Variants in PGGT1B observed in about 807,000 individuals in gnomAD.
PGGT1B encodes the protein protein geranylgeranyltransferase type I subunit beta.
PGGT1B carries 30 observed loss-of-function variants against 46.1 expected under a neutral mutation model. That is an observed-to-expected ratio of 0.65 (90% CI 0.49 to 0.88). The LOEUF (loss-of-function observed/expected upper bound fraction) is 0.88. PGGT1B is among the 40% of genes least tolerant of loss of function. PGGT1B has a pLI of 0.00. For synonymous variants in PGGT1B, 170 were observed against 160.0 expected, an observed-to-expected ratio of 1.06 and a Z score of -0.47; for missense variants, 376 against 455.9, an observed-to-expected ratio of 0.82 and a Z score of 1.60.
At chr5:115,221,786 C>G (rs113653118) in intron 7 of PGGT1B, 38 bp downstream of exon 7, 1 of 1,306,434 alleles carries the variant, frequency 7.7e-7, no homozygotes, top group Admixed American at 2.3e-5. Flanking sequence ...TATATGAACA[C>G]AGAATATAGG....
Position 115,216,849 on chromosome 5 carries a change from C to T in PGGT1B, c.952+16G>A, listed in dbSNP as rs1046268335. On this transcript the variant is annotated intron_variant, in intron 8 of 8. Transcript: ENST00000419445. ...AGGAAATAAAGGTTGTTCTGATTCACAAAGAAAATAATTACCTGGATGACT... is the reference window on the plus strand; with the variant it reads ...AGGAAATAAAGGTTGTTCTGATTCATAAAGAAAATAATTACCTGGATGACT... 1.5e-6 allele frequency: 2 copies of T among 1,303,560 alleles called. No homozygotes were observed. 80.7% of individuals were successfully genotyped at this position (1,303,560 alleles called of 1,614,324 possible).
chr5:115,256,988 C>G (rs1414629439), intron 1 of PGGT1B, among the ~76,000 whole-genome samples: 1 of 152,152 alleles, frequency 6.6e-6, no homozygotes, highest in East Asian at 1.9e-4. Context: ...AATCTGCAGC[C>G]TGAGAAGTGT....
chr5:115,243,443 C>G (rs1386971089), intron 2 of PGGT1B, among the ~76,000 whole-genome samples: 1 of 151,908 alleles, frequency 6.6e-6, no homozygotes, highest in African/African-American at 2.4e-5. Flanking sequence ...AAAGTAGGAT[C>G]CAAAAATAAA....
intron 2 of PGGT1B, among the ~76,000 whole-genome samples, chr5:115,244,194 G>A (rs1353935431): frequency 3.3e-5 from 5 of 152,034 alleles, no homozygotes; most frequent in Admixed American, 2.6e-4. Flanking sequence ...GGTTGGGCGC[G>A]GTGGCTCATG....
chr5:115,236,870 A>G (rs1167534417), intron 4 of PGGT1B, among the ~76,000 whole-genome samples: 2 of 152,166 alleles, frequency 1.3e-5, no homozygotes, highest in Admixed American at 1.3e-4. Flanking sequence ...AAAAAGTAAA[A>G]GGTAAAACCT....
At chr5:115,254,334 AC>A (rs1194369066) in intron 1 of PGGT1B, among the ~76,000 whole-genome samples, 2 of 151,996 alleles carry the variant, frequency 1.3e-5, no homozygotes, top group African/African-American at 2.4e-5. Context: ...ATGAGATGAT[AC>A]CCCACTGGGA....
chr5:115,242,359 A>T (rs975406510), intron 2 of PGGT1B, among the ~76,000 whole-genome samples: 4 of 152,348 alleles, frequency 2.6e-5, no homozygotes, highest in African/African-American at 9.6e-5. Flanking sequence ...TGATAGATGC[A>T]GAAAATAACA....
At chr5:115,213,026 C>T (rs1489690278) in intron 8 of PGGT1B, among the ~76,000 whole-genome samples, 1 of 152,136 alleles carries the variant, frequency 6.6e-6, no homozygotes, top group Non-Finnish European at 1.5e-5. Flanking sequence ...CAATATCCCT[C>T]GCTCCACGTT....
Position 115,210,105 on chromosome 5 carries a change from T to G in PGGT1B, c.*2297A>C. 1 of 152,034 alleles carries G rather than the reference T, an allele frequency of 6.6e-6. No individual in the cohort carries two copies. Among genetic ancestry groups the G allele is most frequent in the East Asian group, 1.9e-4 (1 of 5,192 alleles). 9.4% of individuals were successfully genotyped at this position (152,034 alleles called of 1,614,324 possible). A position where few individuals can be genotyped will look rare whatever the true frequency, so the allele number is the denominator to read the frequency against. On this transcript the variant is annotated 3_prime_UTR_variant, in exon 9 of 9. Coordinates refer to ENST00000419445, the MANE Select transcript of PGGT1B (RefSeq NM_005023.4). Reference sequence around the variant, plus strand: ...TAGATCAAATCTAAAAACACTGAAATGATAAACAGGTTAAATTAGGCCATA... The same window carrying G: ...TAGATCAAATCTAAAAACACTGAAAGGATAAACAGGTTAAATTAGGCCATA...
chr5:115,262,300 A>G lies in PGGT1B; in HGVS notation c.140+412T>C, dbSNP rs1392816156. 2.0e-5 allele frequency among the ~76,000 whole-genome samples: 3 copies of G among 152,234 alleles called. 1 individual carries two copies. Among genetic ancestry groups the G allele is most frequent in the Admixed American group, 2.0e-4 (3 of 15,288 alleles). ...CTGCCGCTCCTACACATAAAACACCATACAGACACTCTATTAAGAGTTAAT... is the reference window on the plus strand; with the variant it reads ...CTGCCGCTCCTACACATAAAACACCGTACAGACACTCTATTAAGAGTTAAT... On this transcript the variant is annotated intron_variant, in intron 1 of 8. Transcript: ENST00000419445.
intron 5 of PGGT1B, among the ~76,000 whole-genome samples, chr5:115,235,913 GA>G (rs1170870184): frequency 6.6e-6 from 1 of 152,050 alleles, no homozygotes; most frequent in African/African-American, 2.4e-5. Flanking sequence ...AATAAACCTG[GA>G]ATGCAGAAGT....
chr5:115,237,198 AGT>A lies in PGGT1B; in HGVS notation c.479+658_479+659del, dbSNP rs1757209983. On this transcript the variant is annotated intron_variant, in intron 4 of 8. Transcript: ENST00000419445. ...CATTTATTTTTCCCTCATCAAGAGC[AGT>A]GTTTTGAAAACACTGACGGGAAAAC... Among the ~76,000 whole-genome samples, 3 of 152,352 alleles carry A rather than the reference AGT, an allele frequency of 2.0e-5. No homozygotes were observed. In the South Asian group the frequency reaches 6.2e-4, roughly 32 times the overall value.
chr5:115,257,259 T>C (rs1748360228), intron 1 of PGGT1B, among the ~76,000 whole-genome samples: 1 of 152,108 alleles, frequency 6.6e-6, no homozygotes, highest in African/African-American at 2.4e-5. Flanking sequence ...ACTCCTGCAA[T>C]CCCAGCACTT....
intron 6 of PGGT1B, among the ~76,000 whole-genome samples, chr5:115,225,606 AC>A (rs1218264462): frequency 6.6e-6 from 1 of 152,176 alleles, no homozygotes; most frequent in African/African-American, 2.4e-5. Flanking sequence ...ATAAATAAGT[AC>A]ATCATTTTAC....
At chr5:115,224,253 A>G (rs1198035015) in intron 6 of PGGT1B, among the ~76,000 whole-genome samples, 2 of 152,222 alleles carry the variant, frequency 1.3e-5, no homozygotes, top group African/African-American at 4.8e-5. Flanking sequence ...ACATCATTAA[A>G]TATAAAGTCT....
At position 115,206,900 on chromosome 5, in the gene PGGT1B, C is replaced by A. The variant is rs914470081; in HGVS notation, c.*5502G>T. 1 of 151,564 alleles carries A rather than the reference C, an allele frequency of 6.6e-6. No individual in the cohort carries two copies. Among genetic ancestry groups the A allele is most frequent in the Non-Finnish European group, 1.5e-5 (1 of 67,762 alleles). 9.4% of individuals were successfully genotyped at this position (151,564 alleles called of 1,614,324 possible). A position where few individuals can be genotyped will look rare whatever the true frequency, so the allele number is the denominator to read the frequency against. ...GTTTCCATGGTTATTCTAGTATGTTCTCTCAAATAACAATATAATTTTTAT... is the reference window on the plus strand; with the variant it reads ...GTTTCCATGGTTATTCTAGTATGTTATCTCAAATAACAATATAATTTTTAT... On this transcript the variant is annotated 3_prime_UTR_variant, in exon 9 of 9. Transcript: ENST00000419445.
rs778003555 is a variant in PGGT1B at position 115,206,797 on chromosome 5, A to G, written c.*5605T>C. 6.6e-6 allele frequency: 1 copy of G among 151,914 alleles called. No homozygotes were observed. The highest frequency in any genetic ancestry group is 1.5e-5 in the Non-Finnish European group (1 of 67,860). The allele number at this position is 151,914 out of a possible 1,614,324, so 9.4% of individuals were successfully genotyped here. Reference sequence around the variant, plus strand: ...CCAAAAAGTGTGCACACTTTAAAAAATTCTGATAGCTTCTGCCATGGAGGA... The same window carrying G: ...CCAAAAAGTGTGCACACTTTAAAAAGTTCTGATAGCTTCTGCCATGGAGGA... On this transcript the variant is annotated 3_prime_UTR_variant, in exon 9 of 9. Coordinates refer to ENST00000419445, the MANE Select transcript of PGGT1B (RefSeq NM_005023.4).
At chr5:115,238,291 ATTTTTTTTTTTT>A (rs35711954) in intron 3 of PGGT1B, among the ~76,000 whole-genome samples, 15 of 46,964 alleles carry the variant, frequency 3.2e-4, no homozygotes, top group Admixed American at 3.2e-3. Flanking sequence ...ATTTTTTTGG[ATTTTTTTTTTTT>A]TTTTTTTTTT....
chr5:115,240,042 C>G (rs1198492893), intron 3 of PGGT1B, among the ~76,000 whole-genome samples: 1 of 152,184 alleles, frequency 6.6e-6, no homozygotes, highest in Non-Finnish European at 1.5e-5. Flanking sequence ...CCTAATCTGT[C>G]TCCTAGACGC....
Sources: allele counts gnomAD v4.1 joint callset (sites outside exome capture counted in the v4.1 genomes callset), GRCh38; gene constraint gnomAD v4.1.1; transcripts MANE v1.5; gene names NCBI Gene and HGNC (gene_info 2026-07-23, HGNC 2026-07-21).